The following ATM variants were observed in gnomAD, a reference collection of about 807,000 sequenced individuals.
ATM encodes ATM serine/threonine kinase, also known as serine-protein kinase ATM.
Under a neutral mutation model 387.0 loss-of-function variants are expected in ATM, and 308 were observed. The observed-to-expected ratio is 0.80, with a 90% CI of 0.73 to 0.87. The LOEUF (loss-of-function observed/expected upper bound fraction) is 0.87, where lower values mean the gene tolerates loss of function less well. ATM is among the 40% of genes least tolerant of loss of function. The pLI, the probability that ATM is intolerant of heterozygous loss-of-function variation, is 0.00. For synonymous variants in ATM, 1,156 were observed against 1,187.3 expected, an observed-to-expected ratio of 0.97 and a Z score of 0.54; for missense variants, 3,312 against 3,560.9, an observed-to-expected ratio of 0.93 and a Z score of 1.78.
chr11:108,356,089 TGTTACAGTTTGCCATTG>T (rs2089888603), intron 61 of ATM: 1 of 152,248 alleles, frequency 6.6e-6, no homozygotes, highest in Non-Finnish European at 1.5e-5. Context: ...TGTTGTCATT[TGTTACAGTTTGCCATTG>T]GTTCTGCAGT....
intron 25 of ATM, among the ~76,000 whole-genome samples, chr11:108,283,719 C>T (rs1205970548): frequency 1.3e-5 from 2 of 152,148 alleles, no homozygotes; most frequent in African/African-American, 4.8e-5. Context: ...TTTACGCGTA[C>T]TCAAGTCACC....
intron 61 of ATM, among the ~76,000 whole-genome samples, chr11:108,357,598 G>C (rs1304986577): frequency 6.6e-6 from 1 of 152,178 alleles, no homozygotes; most frequent in Non-Finnish European, 1.5e-5. Context: ...CTGGAGATCG[G>C]ACAACAGGCA....
intron 4 of ATM, among the ~76,000 whole-genome samples, chr11:108,233,569 C>CAAAA (rs531411723): frequency 2.0e-5 from 1 of 50,906 alleles, no homozygotes; most frequent in Non-Finnish European, 4.1e-5. Context: ...ATCCTGTGTC[C>CAAAA]AAAAAAAAAA....
At position 108,250,965 on chromosome 11, in the gene ATM, A is replaced by G. The variant is rs2135324896; in HGVS notation, c.1500A>G (p.Ile500Met). 1 of 1,614,180 alleles carries G rather than the reference A, an allele frequency of 6.2e-7. No homozygotes were observed. The highest frequency in any genetic ancestry group is 8.5e-7 in the Non-Finnish European group (1 of 1,180,016). ...TTCGTGGTATAAGTTCTGAGCAAATACAAGCTGAAAACTTTGGCTTACTTG... is the reference window on the plus strand; with the variant it reads ...TTCGTGGTATAAGTTCTGAGCAAATGCAAGCTGAAAACTTTGGCTTACTTG... ...ITFRGISSEQ[I>M]QAENFGLLGA... Residue 500 changes from isoleucine to methionine, a missense_variant, in exon 10 of 63, where the codon ATA becomes ATG. By Grantham distance (10) the Ile-to-Met change is conservative. Coordinates refer to ENST00000675843, the MANE Select transcript of ATM (RefSeq NM_000051.4).
At chr11:108,281,769 C>T (rs549524759) in intron 24 of ATM, among the ~76,000 whole-genome samples, 1 of 152,230 alleles carries the variant, frequency 6.6e-6, no homozygotes, top group South Asian at 2.1e-4. Context: ...TGCCAGTTAA[C>T]ATTCTACCAG....
intron 54 of ATM, 134 bp from the exon 55 acceptor site, chr11:108,334,835 T>C: frequency 9.5e-7 from 1 of 1,047,992 alleles, no homozygotes; most frequent in South Asian, 1.5e-5. Context: ...CGGCCTAAAG[T>C]TGTAGTTCTT....
At chr11:108,230,007 A>T (rs609864) in intron 4 of ATM, 150,100 of 152,424 alleles carry the variant, frequency 0.98, 73,918 homozygotes, top group East Asian at 1. Flanking sequence ...ATTACTGTTT[A>T]AACTACCCAG....
chr11:108,347,170 A>G (rs2088521938), intron 58 of ATM, 109 bp from the exon 59 acceptor site: 3 of 890,366 alleles, frequency 3.4e-6, no homozygotes, highest in Non-Finnish European at 5.6e-6. Flanking sequence ...TAAAAATCCT[A>G]AACTACTTAA....
rs1060501707 is a variant in ATM, at chr11:108,321,342, CTG to C, written c.6498_6499del (p.Tyr2167PhefsTer7). On this transcript the variant is annotated frameshift_variant, in exon 45 of 63. Coordinates refer to ENST00000675843, the MANE Select transcript of ATM (RefSeq NM_000051.4). LOFTEE classifies it high-confidence loss of function. ...GAGATGTGTAAGCGCAGCCTTGAGT[CTG>C]TGTATTCGCTCTATCCCACACTTAG... 1.9e-6 allele frequency: 3 copies of C among 1,614,036 alleles called. No individual in the cohort carries two copies. Among genetic ancestry groups the C allele is most frequent in the South Asian group, 1.1e-5 (1 of 91,080 alleles).
intron 43 of ATM, among the ~76,000 whole-genome samples, chr11:108,318,903 C>T (rs536817951): frequency 1.3e-5 from 2 of 151,852 alleles, no homozygotes; most frequent in South Asian, 2.1e-4. Flanking sequence ...TGGCCGAGCG[C>T]GGTGGCTCAT....
rs876659611 is a variant in ATM at position 108,268,522 on chromosome 11, C to T, written c.2751C>T (p.Ser917=). ...CTACTGCTCAGACCAATACTGTGTC[C>T]TTTAGGGCAGCTGATATTCGGAGGA... ...CVTTAQTNTV[S]FRAADIRRKL... The change falls in exon 18 of 63, where the codon TCC becomes TCT. Residue 917 remains serine, a synonymous_variant. Transcript: ENST00000675843. The T allele has an allele frequency of 1.9e-6, 3 of 1,613,920 alleles. No individual in the cohort carries two copies. In the African/African-American group the frequency reaches 4.0e-5, roughly 22 times the overall value.
At chr11:108,348,822 A>C (rs1006907285) in intron 59 of ATM, among the ~76,000 whole-genome samples, 3 of 136,420 alleles carry the variant, frequency 2.2e-5, no homozygotes, top group Non-Finnish European at 4.4e-5. Flanking sequence ...TTGAAGTAGG[A>C]GAATTCTCTT....
chr11:108,288,211 C>T (rs1306029806), intron 27 of ATM, among the ~76,000 whole-genome samples: 3 of 151,890 alleles, frequency 2.0e-5, no homozygotes, highest in African/African-American at 4.8e-5. Flanking sequence ...GTAGCTGGGA[C>T]GACAGATGCA....
At chr11:108,225,285 C>T (rs1208605573) in intron 1 of ATM, 1 of 152,068 alleles carries the variant, frequency 6.6e-6, no homozygotes, top group Non-Finnish European at 1.5e-5. Context: ...AATGATAATA[C>T]TTGTCCACAG....
intron 16 of ATM, among the ~76,000 whole-genome samples, chr11:108,263,011 T>C (rs1466603650): frequency 6.6e-6 from 1 of 152,048 alleles, no homozygotes; most frequent in East Asian, 1.9e-4. Context: ...ACAAACAGAC[T>C]TAGACTCCCA....
At chr11:108,227,441 C>T in intron 1 of ATM, 154 bp from the exon 2 acceptor site, 1 of 535,430 alleles carries the variant, frequency 1.9e-6, no homozygotes, top group Non-Finnish European at 3.3e-6. Flanking sequence ...AATTATTGTG[C>T]CTTTGACCAG....
At position 108,279,557 on chromosome 11, in the gene ATM, A is replaced by G. The variant is rs777375945; in HGVS notation, c.3351A>G (p.Gln1117=). The change falls in exon 23 of 63, where the codon CAA becomes CAG. Residue 1117 remains glutamine (Q), a synonymous_variant. Coordinates refer to ENST00000675843, the MANE Select transcript of ATM (RefSeq NM_000051.4). ...LLKALPLKLQ[Q]TAFENAYLKA... Reference sequence around the variant, plus strand: ...AAGCACTTCCTTTGAAGCTTCAGCAAACAGCTTTTGAAAATGCATACTTGA... The same window carrying G: ...AAGCACTTCCTTTGAAGCTTCAGCAGACAGCTTTTGAAAATGCATACTTGA... 5.0e-6 allele frequency: 8 copies of G among 1,613,770 alleles called. No individual in the cohort carries two copies. Among genetic ancestry groups the G allele is most frequent in the Non-Finnish European group, 6.8e-6 (8 of 1,179,870 alleles).
rs1555068451 is a variant in ATM, at chr11:108,247,053, A to G, written c.991A>G (p.Lys331Glu). 2 of 1,613,844 alleles carry G rather than the reference A, an allele frequency of 1.2e-6. No homozygotes were observed. The highest frequency in any genetic ancestry group is 1.7e-6 in the Non-Finnish European group (2 of 1,179,814). ...GATAAGTCATATAGGAAGTAGAGGAAAGTATTCTTCAGGATTTCGTAATAT... is the reference window on the plus strand; with the variant it reads ...GATAAGTCATATAGGAAGTAGAGGAGAGTATTCTTCAGGATTTCGTAATAT... Reference protein sequence around the residue: ...NEISHIGSRGKYSSGFRNIAV... With the variant: ...NEISHIGSRGEYSSGFRNIAV... Residue 331 changes from lysine (K) to glutamate (E), a missense_variant, in exon 8 of 63, where the codon AAG becomes GAG. Physicochemically the swap from Lys to Glu is moderately conservative, Grantham distance 56. Transcript: ENST00000675843.
At chr11:108,267,147 C>T (rs780400005) in intron 16 of ATM, 24 bp from the exon 17 acceptor site, 1 of 1,612,640 alleles carries the variant, frequency 6.2e-7, no homozygotes, top group Admixed American at 1.7e-5. Flanking sequence ...CCATCTTGAA[C>T]ATCTTTGTTT....
Sources: gnomAD v4.1 joint callset for allele counts (sites outside exome capture counted in the v4.1 genomes callset) on GRCh38, gnomAD v4.1.1 for gene constraint, MANE v1.5 for transcripts, NCBI Gene and HGNC (gene_info 2026-07-23, HGNC 2026-07-21) for gene names.